ZDHHC14: variants seen among roughly 807,000 people sequenced by gnomAD.
ZDHHC14 encodes the protein palmitoyltransferase ZDHHC14.
A neutral mutation model predicts 47.7 loss-of-function variants in ZDHHC14; 16 were observed. The ratio of observed to expected loss-of-function variants is 0.34; its 90% CI spans 0.23 to 0.51. The LOEUF (loss-of-function observed/expected upper bound fraction) is 0.51. ZDHHC14 is among the 20% of genes least tolerant of loss of function. The pLI is 0.97. For synonymous variants in ZDHHC14, 293 were observed against 278.9 expected, an observed-to-expected ratio of 1.05 and a Z score of -0.50; for missense variants, 515 against 662.5, an observed-to-expected ratio of 0.78 and a Z score of 2.44.
chr6:157,479,558 A>T (rs1779572934), intron 1 of ZDHHC14, among the ~76,000 whole-genome samples: 1 of 152,202 alleles, frequency 6.6e-6, no homozygotes, highest in South Asian at 2.1e-4. Context: ...TTCCACAGGA[A>T]CAGCCCTCAG....
chr6:157,550,493 A>G (rs1782184017), intron 2 of ZDHHC14, among the ~76,000 whole-genome samples: 1 of 150,636 alleles, frequency 6.6e-6, no homozygotes, highest in Admixed American at 6.6e-5. Flanking sequence ...AGCGTCACAC[A>G]GGCACTCTAG....
In ZDHHC14 at chr6:157,619,521, T is replaced by C. The variant is rs1323126478; in HGVS notation, c.566-8828T>C. ...GTCAAGCTCCGTCATTTCATGCCCA[T>C]AGAGACTTAGCCACCTGCCAGGTGG... On this transcript the variant is annotated intron_variant, in intron 3 of 8. Transcript: ENST00000359775. Among the ~76,000 whole-genome samples, 4 of 152,298 alleles carry C rather than the reference T, an allele frequency of 2.6e-5. No individual in the cohort carries two copies. In the East Asian group the frequency reaches 5.8e-4, roughly 22 times the overall value.
chr6:157,386,200 C>T (rs928415285), intron 1 of ZDHHC14, among the ~76,000 whole-genome samples: 1 of 152,136 alleles, frequency 6.6e-6, no homozygotes, highest in Non-Finnish European at 1.5e-5. Context: ...CACGACTGTG[C>T]AGTCCGCTAT....
chr6:157,503,075 C>A (rs1222663956), intron 1 of ZDHHC14, among the ~76,000 whole-genome samples: 1 of 152,192 alleles, frequency 6.6e-6, no homozygotes, highest in African/African-American at 2.4e-5. Context: ...CCTAAAGCAG[C>A]AAAGCAACAT....
At chr6:157,551,046 A>T (rs1782209671) in intron 2 of ZDHHC14, among the ~76,000 whole-genome samples, 1 of 152,172 alleles carries the variant, frequency 6.6e-6, no homozygotes, top group Non-Finnish European at 1.5e-5. Flanking sequence ...CATGAAGAGG[A>T]TGGAAAACTT....
intron 1 of ZDHHC14, among the ~76,000 whole-genome samples, chr6:157,432,927 A>C (rs1355985914): frequency 6.6e-6 from 1 of 152,250 alleles, no homozygotes; most frequent in Non-Finnish European, 1.5e-5. Flanking sequence ...TGGTTGTTCC[A>C]AAAGGAGCAC....
At chr6:157,562,597 G>A (rs1782752192) in intron 2 of ZDHHC14, among the ~76,000 whole-genome samples, 1 of 152,142 alleles carries the variant, frequency 6.6e-6, no homozygotes, top group South Asian at 2.1e-4. Context: ...GCCTCTCGCT[G>A]AGGTCAGCAG....
chr6:157,665,103 A>C (rs367624256), intron 8 of ZDHHC14, among the ~76,000 whole-genome samples: 1 of 152,190 alleles, frequency 6.6e-6, no homozygotes, highest in Non-Finnish European at 1.5e-5. Context: ...CCCTTCCCTC[A>C]GGGATTACAG....
At chr6:157,636,371 A>G (rs139260394) in intron 5 of ZDHHC14, among the ~76,000 whole-genome samples, 2,227 of 151,470 alleles carry the variant, frequency 0.015, 197 homozygotes, top group Admixed American at 0.14. Flanking sequence ...GCATGCATCT[A>G]TATCTGTATG....
chr6:157,576,651 TA>T (rs1156692047), intron 2 of ZDHHC14, among the ~76,000 whole-genome samples: 46 of 152,346 alleles, frequency 3.0e-4, no homozygotes, highest in African/African-American at 1.1e-3. Context: ...GCAAATTCAA[TA>T]GATATAGTCA....
chr6:157,486,398 A>G (rs933516324), intron 1 of ZDHHC14, among the ~76,000 whole-genome samples: 2 of 152,268 alleles, frequency 1.3e-5, no homozygotes, highest in Non-Finnish European at 2.9e-5. Context: ...ACCTCTTCAC[A>G]TAAAATGAAG....
chr6:157,588,388 G>T (rs903885367), intron 2 of ZDHHC14, among the ~76,000 whole-genome samples: 1 of 152,190 alleles, frequency 6.6e-6, no homozygotes, highest in African/African-American at 2.4e-5. Context: ...GAGCCTGGGA[G>T]GTCAAGGCTA....
intron 3 of ZDHHC14, among the ~76,000 whole-genome samples, chr6:157,607,652 G>A (rs1784593722): frequency 6.6e-6 from 1 of 152,158 alleles, no homozygotes; most frequent in Non-Finnish European, 1.5e-5. Context: ...CCTTTCGTCT[G>A]GGTAAACAGA....
At chr6:157,421,652 G>C (rs1778108204) in intron 1 of ZDHHC14, among the ~76,000 whole-genome samples, 1 of 151,894 alleles carries the variant, frequency 6.6e-6, no homozygotes, top group Non-Finnish European at 1.5e-5. Flanking sequence ...CTGTCGCCCA[G>C]GCTGGAATGC....
At chr6:157,601,052 C>T (rs898678632) in intron 3 of ZDHHC14, among the ~76,000 whole-genome samples, 16 of 152,324 alleles carry the variant, frequency 1.1e-4, no homozygotes, top group African/African-American at 3.8e-4. Context: ...GCCCTGACTG[C>T]AGATGGAGAG....
At chr6:157,395,113 C>G (rs1449523938) in intron 1 of ZDHHC14, among the ~76,000 whole-genome samples, 2 of 150,292 alleles carry the variant, frequency 1.3e-5, no homozygotes, top group East Asian at 3.9e-4. Context: ...CCAGCCCACA[C>G]CTGGATGGTG....
chr6:157,508,506 C>A (rs370422724), intron 1 of ZDHHC14, among the ~76,000 whole-genome samples: 5 of 152,110 alleles, frequency 3.3e-5, no homozygotes, highest in African/African-American at 1.2e-4. Context: ...CTTGGGACTA[C>A]AGCCATGTGC....
intron 1 of ZDHHC14, among the ~76,000 whole-genome samples, chr6:157,484,530 C>T (rs1042663373): frequency 1.3e-5 from 2 of 148,422 alleles, no homozygotes; most frequent in South Asian, 2.1e-4. Flanking sequence ...TACCCCTGAA[C>T]CTTAAATAAA....
intron 5 of ZDHHC14, among the ~76,000 whole-genome samples, chr6:157,636,173 A>G (rs1776963783): frequency 6.7e-6 from 1 of 149,922 alleles, no homozygotes; most frequent in Non-Finnish European, 1.5e-5. Flanking sequence ...CACATCCCTC[A>G]TCGCACAGGT....
Sources: gnomAD v4.1 joint callset for allele counts (sites outside exome capture counted in the v4.1 genomes callset) on GRCh38, gnomAD v4.1.1 for gene constraint, MANE v1.5 for transcripts, NCBI Gene and HGNC (gene_info 2026-07-23, HGNC 2026-07-21) for gene names.